TENM2: variants seen among roughly 807,000 people sequenced by gnomAD.
TENM2 encodes the protein teneurin-2.
TENM2 carries 52 observed loss-of-function variants against 245.2 expected under a neutral mutation model. The ratio of observed to expected loss-of-function variants is 0.21; its 90% CI spans 0.17 to 0.27. The LOEUF (loss-of-function observed/expected upper bound fraction) is 0.27, where lower values mean the gene tolerates loss of function less well. Among genes scored for constraint, TENM2 ranks in the 10% least tolerant of loss-of-function variants. The pLI, the probability that TENM2 is intolerant of heterozygous loss-of-function variation, is 1.00. For synonymous variants in TENM2, 1,363 were observed against 1,438.9 expected, an observed-to-expected ratio of 0.95 and a Z score of 1.19; for missense variants, 3,046 against 3,666.8, an observed-to-expected ratio of 0.83 and a Z score of 4.37.
At chr5:167,905,484 A>G (rs1051333781) in intron 3 of TENM2, among the ~76,000 whole-genome samples, 2 of 152,204 alleles carry the variant, frequency 1.3e-5, no homozygotes, top group African/African-American at 2.4e-5. Context: ...AGATTTTTCA[A>G]TGAGAGCATC....
At chr5:167,669,207 T>C (rs542840650) in intron 2 of TENM2, among the ~76,000 whole-genome samples, 4 of 152,246 alleles carry the variant, frequency 2.6e-5, no homozygotes, top group South Asian at 2.1e-4. Flanking sequence ...TCTCTAGCAG[T>C]TTGTGGTTTG....
rs546660168 is a variant in TENM2 at position 167,437,485 on chromosome 5, T to C, written c.502+62012T>C. ...CATCTCAGATGAGACTTTGGACTTG[T>C]GGACTTTTGAGTTAATGCTGAAATG... On this transcript the variant is annotated intron_variant, in intron 2 of 28. Transcript: ENST00000518659. 3.9e-5 allele frequency among the ~76,000 whole-genome samples: 6 copies of C among 152,274 alleles called. No individual in the cohort carries two copies. The East Asian group carries it at 1.2e-3, about 29-fold the overall frequency.
chr5:167,393,412 A>G (rs553093129), intron 2 of TENM2, among the ~76,000 whole-genome samples: 1 of 152,310 alleles, frequency 6.6e-6, no homozygotes, highest in African/African-American at 2.4e-5. Flanking sequence ...CTCAAGGAAC[A>G]GAGAAACTAG....
At chr5:168,098,231 C>T (rs548344199) in intron 9 of TENM2, 104 bp downstream of exon 11, 7 of 772,748 alleles carry the variant, frequency 9.1e-6, no homozygotes, top group Non-Finnish European at 1.5e-5. Context: ...CATCAAATCC[C>T]CCGAGACATC....
the TENM2 span, among the ~76,000 whole-genome samples, chr5:167,079,569 T>C: frequency 6.6e-6 from 1 of 151,064 alleles, no homozygotes; most frequent in African/African-American, 2.4e-5. Context: ...CACCTCGGCT[T>C]CCCAAAGTGT....
intron 1 of TENM2, among the ~76,000 whole-genome samples, chr5:167,351,724 G>A (rs916431826): frequency 2.0e-5 from 3 of 152,212 alleles, no homozygotes; most frequent in Non-Finnish European, 4.4e-5. Context: ...ATGAAGGGAT[G>A]GTCCTAATTA....
At chr5:167,615,315 G>A (rs1777724879) in intron 2 of TENM2, among the ~76,000 whole-genome samples, 1 of 151,956 alleles carries the variant, frequency 6.6e-6, no homozygotes, top group African/African-American at 2.4e-5. Context: ...ATTAAGTCTT[G>A]CTGATGGGGA....
chr5:167,839,958 C>T (rs1246159703), intron 2 of TENM2, among the ~76,000 whole-genome samples: 1 of 152,198 alleles, frequency 6.6e-6, no homozygotes, highest in Non-Finnish European at 1.5e-5. Context: ...GCTGGGATTA[C>T]AGGCATGCGC....
chr5:167,350,737 A>G (rs111217606), intron 1 of TENM2, among the ~76,000 whole-genome samples: 1 of 59,118 alleles, frequency 1.7e-5, no homozygotes. Flanking sequence ...ACATATGGAT[A>G]TATATATATG....
intron 13 of TENM2, among the ~76,000 whole-genome samples, chr5:168,171,434 G>A (rs1758814606): frequency 6.6e-6 from 1 of 152,058 alleles, no homozygotes; most frequent in Non-Finnish European, 1.5e-5. Context: ...CAAAAAATTT[G>A]GACAGTGTTT....
At chr5:168,118,160 C>T (rs539258776) in intron 9 of TENM2, 132 bp from the exon 12 acceptor site, 79 of 602,126 alleles carry the variant, frequency 1.3e-4, no homozygotes, top group African/African-American at 1.3e-3. Context: ...TCTGCACCTG[C>T]ACAGCCAGAG....
At chr5:167,485,263 C>T (rs1162153619) in intron 2 of TENM2, among the ~76,000 whole-genome samples, 1 of 152,058 alleles carries the variant, frequency 6.6e-6, no homozygotes, top group African/African-American at 2.4e-5. Context: ...CTAGAAGCCT[C>T]CAGATTAATC....
chr5:167,431,016 G>C (rs1290557827), intron 2 of TENM2, among the ~76,000 whole-genome samples: 1 of 152,132 alleles, frequency 6.6e-6, no homozygotes, highest in Non-Finnish European at 1.5e-5. Context: ...TTGAATGGCT[G>C]GTAATCTTCT....
chr5:167,889,610 CT>C, intron 3 of TENM2, among the ~76,000 whole-genome samples: 1 of 152,084 alleles, frequency 6.6e-6, no homozygotes, highest in Non-Finnish European at 1.5e-5. Flanking sequence ...TAACCACTGT[CT>C]TTGATACATT....
chr5:167,713,682 A>G (rs1759060788), intron 2 of TENM2, among the ~76,000 whole-genome samples: 1 of 151,750 alleles, frequency 6.6e-6, no homozygotes. Context: ...TTATACACAT[A>G]TGCACACAAT....
chr5:167,126,698 TG>T, the TENM2 span, among the ~76,000 whole-genome samples: 1 of 152,188 alleles, frequency 6.6e-6, no homozygotes, highest in Non-Finnish European at 1.5e-5. Flanking sequence ...CAATTTTTTT[TG>T]TTTAATTTCT....
chr5:167,784,753 G>T (rs1388260582), intron 2 of TENM2, among the ~76,000 whole-genome samples: 2 of 152,178 alleles, frequency 1.3e-5, no homozygotes, highest in Non-Finnish European at 1.5e-5. Flanking sequence ...GTGAAAAAAA[G>T]GTTAAAAGGA....
rs754683924 is a variant in TENM2, at chr5:168,247,931, G to A, written c.6992G>A (p.Arg2331His). Residue 2331 changes from arginine to histidine, a missense_variant, in exon 27 of 29, where the codon CGC (arginine) becomes CAC (histidine). Physicochemically the swap from Arg to His is conservative, Grantham distance 29. Around this residue, in one of 2 missense-constraint regions of TENM2, gnomAD observed 2,704 missense variants for 3,331.9 expected, o/e 0.81. Coordinates refer to ENST00000518659, the Ensembl canonical transcript of TENM2. The surrounding 1 kb of genome is among the most constrained non-coding windows in gnomAD (Gnocchi z 7.8). ...TACTCTGACCTCCACAACCCGACGCGCATCACCCATGTCTACAATCACTCC... is the reference window on the plus strand; with the variant it reads ...TACTCTGACCTCCACAACCCGACGCACATCACCCATGTCTACAATCACTCC... The A allele has an allele frequency of 5.2e-5, 84 of 1,613,742 alleles. No individual in the cohort carries two copies. The highest frequency in any genetic ancestry group is 6.4e-5 in the Non-Finnish European group (76 of 1,179,884).
the TENM2 span, among the ~76,000 whole-genome samples, chr5:167,097,571 G>C: frequency 6.6e-6 from 1 of 152,210 alleles, no homozygotes; most frequent in East Asian, 1.9e-4. Context: ...TGTGTATTTT[G>C]ATGCATTAAT....
Sources: allele counts gnomAD v4.1 joint callset (sites outside exome capture counted in the v4.1 genomes callset), GRCh38; gene constraint gnomAD v4.1.1; regional missense constraint gnomAD v4.1.1; non-coding constraint Gnocchi (gnomAD v3.1); transcripts MANE v1.5; gene names NCBI Gene and HGNC (gene_info 2026-07-23, HGNC 2026-07-21).